Variants in MLLT3 observed in about 807,000 individuals in gnomAD.
MLLT3 encodes the protein protein AF-9.
A neutral mutation model predicts 53.2 loss-of-function variants in MLLT3; 4 were observed. The observed-to-expected ratio is 0.08, with a 90% CI of 0.04 to 0.17. The LOEUF (loss-of-function observed/expected upper bound fraction) is 0.17, where lower values mean the gene tolerates loss of function less well. Among genes scored for constraint, MLLT3 ranks in the 10% least tolerant of loss-of-function variants. The pLI is 1.00. For synonymous variants in MLLT3, 283 were observed against 230.6 expected (o/e 1.23, Z -2.06); for missense variants, 569 against 684.0 (o/e 0.83, Z 1.87).
intron 2 of MLLT3, among the ~76,000 whole-genome samples, chr9:20,566,743 A>G (rs1478227531): frequency 2.0e-5 from 3 of 152,090 alleles, no homozygotes; most frequent in Non-Finnish European, 4.4e-5. Context: ...GGAGAAACAC[A>G]TGTCTGTGTC....
At chr9:20,606,479 G>C (rs1333602707) in intron 2 of MLLT3, among the ~76,000 whole-genome samples, 1 of 152,052 alleles carries the variant, frequency 6.6e-6, no homozygotes, top group Non-Finnish European at 1.5e-5. Flanking sequence ...CAATTTCAGA[G>C]AGAATTACAT....
At chr9:20,397,633 G>GA (rs1554678803) in intron 5 of MLLT3, among the ~76,000 whole-genome samples, 1 of 152,082 alleles carries the variant, frequency 6.6e-6, no homozygotes, top group Non-Finnish European at 1.5e-5. Flanking sequence ...ATTTACCTAA[G>GA]TTTTAGGGTG....
rs561830305 is a variant in MLLT3 at position 20,374,714 on chromosome 9, T to C, written c.1126-8970A>G. 5.9e-5 allele frequency among the ~76,000 whole-genome samples: 9 copies of C among 152,278 alleles called. 2 individuals carry two copies. Among genetic ancestry groups the C allele is most frequent in the African/African-American group, 2.2e-4 (9 of 41,552 alleles). ...TATAAAAAGATATATAAAAATGAGA[T>C]TGAACAAACATCAGTAACTCTAACC... On this transcript the variant is annotated intron_variant, in intron 5 of 10. Transcript: ENST00000380338.
At chr9:20,519,032 AGT>A (rs1297566090) in intron 2 of MLLT3, among the ~76,000 whole-genome samples, 13 of 152,254 alleles carry the variant, frequency 8.5e-5, no homozygotes, top group African/African-American at 1.4e-4. Flanking sequence ...AAAAAGGAAT[AGT>A]GTTTTTAAAT....
intron 2 of MLLT3, among the ~76,000 whole-genome samples, chr9:20,575,417 A>T (rs551402055): frequency 1.4e-4 from 21 of 152,322 alleles, no homozygotes; most frequent in Middle Eastern, 3.4e-3. Flanking sequence ...TTTTTTAGCA[A>T]TAAAGCATTT....
chr9:20,576,461 G>C (rs1819655160), intron 2 of MLLT3, among the ~76,000 whole-genome samples: 1 of 152,234 alleles, frequency 6.6e-6, no homozygotes, highest in African/African-American at 2.4e-5. Flanking sequence ...TTCTCACTAA[G>C]CTTAATAATT....
At chr9:20,458,162 A>T (rs1393865355) in intron 2 of MLLT3, among the ~76,000 whole-genome samples, 1 of 152,136 alleles carries the variant, frequency 6.6e-6, no homozygotes, top group Non-Finnish European at 1.5e-5. Flanking sequence ...CTAGACCACA[A>T]AGCATTACCA....
chr9:20,415,804 T>G (rs940457804), intron 4 of MLLT3, among the ~76,000 whole-genome samples: 2 of 152,062 alleles, frequency 1.3e-5, no homozygotes, highest in African/African-American at 4.8e-5. Context: ...GGTACATGTA[T>G]AAGCATCACA....
chr9:20,429,542 T>C (rs1030592698), intron 4 of MLLT3, among the ~76,000 whole-genome samples: 1 of 138,946 alleles, frequency 7.2e-6, no homozygotes, highest in African/African-American at 3.1e-5. Context: ...CTAATCCAAT[T>C]GTAGGGGGGA....
chr9:20,564,395 G>A (rs1411426706), intron 2 of MLLT3, among the ~76,000 whole-genome samples: 16 of 152,124 alleles, frequency 1.1e-4, no homozygotes, highest in Non-Finnish European at 4.4e-5. Context: ...AAAGAAGAAT[G>A]AATCTCTGGA....
intron 2 of MLLT3, among the ~76,000 whole-genome samples, chr9:20,566,877 G>A (rs539374261): frequency 3.3e-5 from 5 of 152,112 alleles, no homozygotes; most frequent in East Asian, 1.9e-4. Context: ...ACAAGGATAC[G>A]GAGGAATAGC....
chr9:20,445,679 A>C (rs1176812455), intron 4 of MLLT3, among the ~76,000 whole-genome samples: 1 of 152,192 alleles, frequency 6.6e-6, no homozygotes, highest in East Asian at 1.9e-4. Context: ...AAAGAGAAGG[A>C]ACCATAGCCA....
At chr9:20,611,790 A>G (rs1820709997) in intron 2 of MLLT3, among the ~76,000 whole-genome samples, 2 of 152,132 alleles carry the variant, frequency 1.3e-5, no homozygotes, top group Admixed American at 1.3e-4. Flanking sequence ...CAACCACTGC[A>G]AACTTACCAC....
intron 8 of MLLT3, among the ~76,000 whole-genome samples, chr9:20,355,906 C>T (rs1236302605): frequency 6.6e-6 from 1 of 152,156 alleles, no homozygotes; most frequent in Admixed American, 6.5e-5. Context: ...ACAAGTTTAC[C>T]ACATTCCGTA....
chr9:20,538,492 G>A (rs958798012), intron 2 of MLLT3, among the ~76,000 whole-genome samples: 1 of 152,084 alleles, frequency 6.6e-6, no homozygotes. Flanking sequence ...TCAATATCAG[G>A]AATACCTGAG....
chr9:20,424,380 C>A (rs1343315540), intron 4 of MLLT3, among the ~76,000 whole-genome samples: 2 of 152,138 alleles, frequency 1.3e-5, no homozygotes. Context: ...CATGATGCTT[C>A]CAATTATTTC....
chr9:20,554,384 A>T (rs1327445054), intron 2 of MLLT3, among the ~76,000 whole-genome samples: 2 of 152,206 alleles, frequency 1.3e-5, no homozygotes, highest in Non-Finnish European at 2.9e-5. Context: ...TTTCTGATGG[A>T]TCTTCTGGTA....
At chr9:20,557,334 C>T (rs1819086792) in intron 2 of MLLT3, among the ~76,000 whole-genome samples, 1 of 152,084 alleles carries the variant, frequency 6.6e-6, no homozygotes, top group African/African-American at 2.4e-5. Context: ...CTACAATTTA[C>T]TAGTTTAAGC....
chr9:20,543,166 G>A lies in MLLT3; in HGVS notation c.193+77488C>T, dbSNP rs575118697. Reference sequence around the variant, plus strand: ...TCCATATTAGCAATAACCCTGTGTCGCTTTCTTAACATTCGACTGTTCACT... The same window carrying A: ...TCCATATTAGCAATAACCCTGTGTCACTTTCTTAACATTCGACTGTTCACT... On this transcript the variant is annotated intron_variant, in intron 2 of 10. Transcript: ENST00000380338. 9.2e-5 allele frequency among the ~76,000 whole-genome samples: 14 copies of A among 152,246 alleles called. No homozygotes were observed. In the South Asian group the frequency reaches 1.5e-3, roughly 16 times the overall value.
Sources: allele counts gnomAD v4.1 joint callset (sites outside exome capture counted in the v4.1 genomes callset), GRCh38; gene constraint gnomAD v4.1.1; transcripts MANE v1.5; gene names NCBI Gene and HGNC (gene_info 2026-07-23, HGNC 2026-07-21).